CDH17: variants seen among roughly 807,000 people sequenced by gnomAD.
The protein encoded by CDH17 is cadherin 17.
A neutral mutation model predicts 86.3 loss-of-function variants in CDH17; 67 were observed. That is an observed-to-expected ratio of 0.78 (90% CI 0.64 to 0.95). CDH17 has a LOEUF of 0.95. CDH17 is among the 40% of genes least tolerant of loss of function. The pLI, the probability that CDH17 is intolerant of heterozygous loss-of-function variation, is 0.00. For missense variants in CDH17, 993 were observed against 1,017.6 expected (o/e 0.98, Z 0.33); for synonymous variants, 367 against 366.4 (o/e 1.00, Z -0.02).
chr8:94,148,664 A>C, intron 14 of CDH17, 80 bp downstream of exon 14: 1,829 of 737,010 alleles, frequency 2.5e-3, no homozygotes, highest in Non-Finnish European at 3.1e-3. Flanking sequence ...CAGTTTTCTT[A>C]TCCTCCCTCC....
At chr8:94,141,106 T>TAATATTTCATC (rs1415473135) in intron 15 of CDH17, among the ~76,000 whole-genome samples, 1 of 152,134 alleles carries the variant, frequency 6.6e-6, no homozygotes, top group Non-Finnish European at 1.5e-5. Flanking sequence ...ATAAACATGG[T>TAATATTTCATC]AATATTTCAT....
At chr8:94,163,714 G>A (rs1410552982) in intron 10 of CDH17, among the ~76,000 whole-genome samples, 2 of 152,214 alleles carry the variant, frequency 1.3e-5, no homozygotes, top group Admixed American at 6.5e-5. Flanking sequence ...TCTAGAGCTG[G>A]TGCTCAATGC....
At chr8:94,176,453 C>G (rs1813375467) in intron 5 of CDH17, 88 bp downstream of exon 5, 1 of 1,390,290 alleles carries the variant, frequency 7.2e-7, no homozygotes, top group Non-Finnish European at 1.0e-6. Flanking sequence ...TATTGAGTGA[C>G]AGCTGCAGCT....
chr8:94,206,179 C>A (rs1482399732), intron 1 of CDH17, among the ~76,000 whole-genome samples: 1 of 141,606 alleles, frequency 7.1e-6, no homozygotes, highest in Non-Finnish European at 1.6e-5. Context: ...AAAAAAAAAT[C>A]AACTTTAGTG....
At chr8:94,172,689 C>CGT (rs1813292388) in intron 7 of CDH17, among the ~76,000 whole-genome samples, 1 of 152,182 alleles carries the variant, frequency 6.6e-6, no homozygotes, top group South Asian at 2.1e-4. Context: ...GGATCTCCCA[C>CGT]TAACCCACAG....
At chr8:94,184,294 A>G (rs1813536505) in intron 3 of CDH17, among the ~76,000 whole-genome samples, 1 of 152,150 alleles carries the variant, frequency 6.6e-6, no homozygotes, top group African/African-American at 2.4e-5. Flanking sequence ...CCATAGCAGC[A>G]TTATTCATTA....
upstream of CDH17, among the ~76,000 whole-genome samples, chr8:94,211,819 T>C (rs532799106): frequency 3.5e-4 from 53 of 152,366 alleles, no homozygotes; most frequent in Non-Finnish European, 2.8e-4. Context: ...GTTAACTTGA[T>C]GATGGCAGAA....
chr8:94,212,500 T>G (rs1403331743), upstream of CDH17, among the ~76,000 whole-genome samples: 4 of 18,352 alleles, frequency 2.2e-4, no homozygotes, highest in East Asian at 4.1e-4. Context: ...TGTTGTTGAG[T>G]TTTTTTTTTT....
At chr8:94,128,489 G>C in intron 17 of CDH17, 149 bp from the exon 18 acceptor site, 1 of 608,284 alleles carries the variant, frequency 1.6e-6, no homozygotes, top group Non-Finnish European at 2.9e-6. Context: ...TAGTGAATAA[G>C]GGACTCTAGT....
At chr8:94,169,272 C>T (rs2446867) in intron 9 of CDH17, among the ~76,000 whole-genome samples, 27,926 of 152,012 alleles carry the variant, frequency 0.18, 3,151 homozygotes, top group Non-Finnish European at 0.24. Context: ...TTCCTTATAA[C>T]GAACTGAAGT....
intron 3 of CDH17, among the ~76,000 whole-genome samples, chr8:94,188,165 G>A (rs1007810232): frequency 6.6e-6 from 1 of 152,022 alleles, no homozygotes; most frequent in Non-Finnish European, 1.5e-5. Flanking sequence ...GGTGTATTAT[G>A]GTCATGGAAC....
chr8:94,201,068 A>G (rs1813902740), intron 1 of CDH17, among the ~76,000 whole-genome samples: 1 of 152,168 alleles, frequency 6.6e-6, no homozygotes. Context: ...CATTTAATCC[A>G]CTACAGATCT....
chr8:94,161,239 G>C (rs780205082), intron 11 of CDH17, among the ~76,000 whole-genome samples: 8 of 152,178 alleles, frequency 5.3e-5, no homozygotes, highest in Non-Finnish European at 1.2e-4. Context: ...TGGGTTATTT[G>C]ATGCCTGCTG....
chr8:94,146,788 A>G (rs1812753033), intron 14 of CDH17, among the ~76,000 whole-genome samples: 1 of 152,224 alleles, frequency 6.6e-6, no homozygotes, highest in South Asian at 2.1e-4. Context: ...AAGTTATTAC[A>G]CTAAGTGCTC....
At chr8:94,131,089 C>A (rs1356361718) in intron 15 of CDH17, 97 bp from the exon 16 acceptor site, 5 of 710,996 alleles carry the variant, frequency 7.0e-6, no homozygotes, top group Non-Finnish European at 1.3e-5. Flanking sequence ...TTGACTGGAA[C>A]ATGGCTAGAT....
At chr8:94,149,215 CA>C (rs1337747775) in intron 13 of CDH17, among the ~76,000 whole-genome samples, 1 of 152,110 alleles carries the variant, frequency 6.6e-6, no homozygotes, top group Non-Finnish European at 1.5e-5. Flanking sequence ...ATCAAAAACT[CA>C]AATTAAAGTA....
At chr8:94,200,661 C>G (rs113080616) in intron 1 of CDH17, among the ~76,000 whole-genome samples, 2 of 144,198 alleles carry the variant, frequency 1.4e-5, no homozygotes, top group Admixed American at 7.3e-5. Flanking sequence ...ACTTGCTCAA[C>G]AGTAGACCAG....
At chr8:94,131,840 CT>C (rs2130566016) in intron 15 of CDH17, among the ~76,000 whole-genome samples, 1 of 152,270 alleles carries the variant, frequency 6.6e-6, no homozygotes, top group Admixed American at 6.5e-5. Flanking sequence ...CCCCCACCCC[CT>C]GACAGGCTCT....
chr8:94,178,154 AC>A (rs1043026937), intron 3 of CDH17, among the ~76,000 whole-genome samples: 15 of 152,204 alleles, frequency 9.9e-5, no homozygotes, highest in Non-Finnish European at 1.9e-4. Context: ...AGTGGCTTTA[AC>A]TTAATGCAAA....
Sources: gnomAD v4.1 joint callset for allele counts (sites outside exome capture counted in the v4.1 genomes callset) on GRCh38, gnomAD v4.1.1 for gene constraint, MANE v1.5 for transcripts, NCBI Gene and HGNC (gene_info 2026-07-23, HGNC 2026-07-21) for gene names.